The following TUFT1 variants were observed in gnomAD, a reference collection of about 807,000 sequenced individuals.
The protein encoded by TUFT1 is tuftelin.
A neutral mutation model predicts 57.8 loss-of-function variants in TUFT1; 43 were observed. That is an observed-to-expected ratio of 0.74 (90% confidence interval 0.58 to 0.96). The LOEUF is 0.96. Among genes scored for constraint, TUFT1 ranks in the 40% least tolerant of loss-of-function variants. TUFT1 has a pLI of 0.00. For missense variants in TUFT1, 459 were observed against 489.0 expected, an observed-to-expected ratio of 0.94 and a Z score of 0.58; for synonymous variants, 166 against 176.7, an observed-to-expected ratio of 0.94 and a Z score of 0.48.
chr1:151,580,661 CAA>C (rs10714430), intron 11 of TUFT1, among the ~76,000 whole-genome samples: 1,124 of 71,918 alleles, frequency 0.016, 5 homozygotes, highest in African/African-American at 0.056. Flanking sequence ...GACCCTATCT[CAA>C]AAAAAAAAAA....
At chr1:151,581,538 G>C (rs1666645823) in intron 12 of TUFT1, 106 bp from the exon 13 acceptor site, 1 of 1,093,496 alleles carries the variant, frequency 9.1e-7, no homozygotes, top group Non-Finnish European at 1.4e-6. Flanking sequence ...CAGCACTGCA[G>C]TGTAAGATTC....
intron 1 of TUFT1, among the ~76,000 whole-genome samples, chr1:151,548,164 G>T (rs1665398139): frequency 6.6e-6 from 1 of 152,200 alleles, no homozygotes; most frequent in Non-Finnish European, 1.5e-5. Context: ...CTCACTCAAG[G>T]AGAGGGTAGA....
At chr1:151,575,336 T>C (rs1380085930) in intron 9 of TUFT1, among the ~76,000 whole-genome samples, 6 of 152,214 alleles carry the variant, frequency 3.9e-5, no homozygotes, top group Admixed American at 3.9e-4. Flanking sequence ...AGTGGATATG[T>C]TATGCCTTCG....
chr1:151,579,704 A>G lies in TUFT1; in HGVS notation c.980A>G (p.Lys327Arg). ...QSKDATIQEL[K>R]EKIAYLEAEN... Reference sequence around the variant, plus strand: ...AAGGACGCCACCATCCAGGAGCTCAAGGAGAAAATCGCCTATCTGGAGGCA... The same window carrying G: ...AAGGACGCCACCATCCAGGAGCTCAGGGAGAAAATCGCCTATCTGGAGGCA... The change falls in exon 11 of 13, where the codon AAG (lysine) becomes AGG (arginine). Residue 327 changes from lysine to arginine, a missense_variant. Coordinates refer to ENST00000368849, the MANE Select transcript of TUFT1 (RefSeq NM_020127.3). 6.2e-7 allele frequency: 1 copy of G among 1,614,030 alleles called. No homozygotes were observed. The highest frequency in any genetic ancestry group is 1.7e-5 in the Admixed American group (1 of 60,004).
Position 151,579,846 on chromosome 1 carries a change from T to A in TUFT1, c.1008+114T>A, listed in dbSNP as rs888685988. 3.8e-6 allele frequency: 4 copies of A among 1,049,300 alleles called. No individual in the cohort carries two copies. In the Admixed American group the frequency reaches 6.9e-5, roughly 18 times the overall value. 65.0% of individuals were successfully genotyped at this position (1,049,300 alleles called of 1,614,324 possible). On this transcript the variant is annotated intron_variant, in intron 11 of 12. Transcript: ENST00000368849. The stretch of plus-strand genomic sequence containing the variant: ...GTCATGTCTTGCTGTTGCTCTGAAG[T>A]GAATACCTAGGGTGGTTGGTTGACT...
At chr1:151,576,690 T>C (rs1457046670) in intron 9 of TUFT1, among the ~76,000 whole-genome samples, 3 of 152,158 alleles carry the variant, frequency 2.0e-5, no homozygotes, top group Non-Finnish European at 4.4e-5. Flanking sequence ...TGGAGTGCAG[T>C]GGTGCAATCT....
At position 151,566,159 on chromosome 1, in the gene TUFT1, A is replaced by G; in HGVS notation, c.415-4A>G. On this transcript the variant is annotated splice_region_variant and splice_polypyrimidine_tract_variant and intron_variant, in intron 5 of 12. Coordinates refer to ENST00000368849, the MANE Select transcript of TUFT1 (RefSeq NM_020127.3). Reference sequence around the variant, plus strand: ...AACTACCAATTTTATTTTTCTTTGAACAGGTGGTGCTAGAAAAGCCAAATG... The same window carrying G: ...AACTACCAATTTTATTTTTCTTTGAGCAGGTGGTGCTAGAAAAGCCAAATG... 6.2e-7 allele frequency: 1 copy of G among 1,606,798 alleles called. No individual in the cohort carries two copies. Among genetic ancestry groups the G allele is most frequent in the Non-Finnish European group, 8.5e-7 (1 of 1,176,720 alleles).
At chr1:151,580,594 C>T (rs1022468628) in intron 11 of TUFT1, among the ~76,000 whole-genome samples, 12 of 144,182 alleles carry the variant, frequency 8.3e-5, no homozygotes, top group East Asian at 2.1e-4. Flanking sequence ...CCCAGGAGGT[C>T]GAGGCTGCAG....
rs192630602 is a variant in TUFT1 at position 151,543,801 on chromosome 1, C to A, written c.60+3375C>A. Among the ~76,000 whole-genome samples, 11 of 151,844 alleles carry A rather than the reference C, an allele frequency of 7.2e-5. No individual in the cohort carries two copies. The South Asian group carries it at 8.3e-4, about 11-fold the overall frequency. On this transcript the variant is annotated intron_variant, in intron 1 of 12. Coordinates refer to ENST00000368849, the MANE Select transcript of TUFT1 (RefSeq NM_020127.3). ...GGACAGGGTTCCTTGACTGATAGGC[C>A]CCCCCCAGATTACAGTGATGGAAGG...
chr1:151,574,449 G>T, intron 8 of TUFT1, 51 bp downstream of exon 8: 1 of 1,605,906 alleles, frequency 6.2e-7, no homozygotes, highest in Non-Finnish European at 8.5e-7. Context: ...GCTGGAAGGG[G>T]CCTGCAGGTG....
intron 1 of TUFT1, chr1:151,557,965 G>T: frequency 1.8e-6 from 1 of 546,502 alleles, no homozygotes; most frequent in Non-Finnish European, 3.4e-6. Flanking sequence ...ATTTTGCATT[G>T]AATAAACTTA....
chr1:151,544,112 A>G (rs1157002058), intron 1 of TUFT1, among the ~76,000 whole-genome samples: 1 of 151,620 alleles, frequency 6.6e-6, no homozygotes, highest in Non-Finnish European at 1.5e-5. Context: ...CCTCCCAAGT[A>G]GCTGGGACCA....
At position 151,579,671 on chromosome 1, in the gene TUFT1, T is replaced by C; in HGVS notation, c.947T>C (p.Ile316Thr). The C allele has an allele frequency of 6.2e-7, 1 of 1,613,968 alleles. No homozygotes were observed. Reference sequence around the variant, plus strand: ...CAGCTCCAGAATTCAAAAGCTGTGATCCAGTCAAAGGACGCCACCATCCAG... The same window carrying C: ...CAGCTCCAGAATTCAAAAGCTGTGACCCAGTCAAAGGACGCCACCATCCAG... Reference protein sequence around the residue: ...IEQLQNSKAVIQSKDATIQEL... With the variant: ...IEQLQNSKAVTQSKDATIQEL... The change falls in exon 11 of 13, where the codon ATC (isoleucine) becomes ACC (threonine). Residue 316 changes from isoleucine (I) to threonine (T), a missense_variant. Coordinates refer to ENST00000368849, the MANE Select transcript of TUFT1 (RefSeq NM_020127.3).
chr1:151,561,926 G>T, intron 1 of TUFT1, 165 bp from the exon 2 acceptor site: 1 of 1,511,770 alleles, frequency 6.6e-7, no homozygotes, highest in East Asian at 2.5e-5. Flanking sequence ...CCTGATCTTG[G>T]GCAAGGTAAT....
In TUFT1 at chr1:151,577,528, A is replaced by T. The variant is rs117982972; in HGVS notation, c.819-1193A>T. Among the ~76,000 whole-genome samples, 4 of 152,226 alleles carry T rather than the reference A, an allele frequency of 2.6e-5. No homozygotes were observed. The East Asian group carries it at 7.7e-4, about 29-fold the overall frequency. ...CTGTATGTCAGGAACCGGGACAGAG[A>T]CCCATTATATATTTCTTATTATTTT... On this transcript the variant is annotated intron_variant, in intron 9 of 12. Coordinates refer to ENST00000368849, the MANE Select transcript of TUFT1 (RefSeq NM_020127.3).
chr1:151,544,974 G>T (rs1293371186), intron 1 of TUFT1, among the ~76,000 whole-genome samples: 1 of 152,066 alleles, frequency 6.6e-6, no homozygotes, highest in Non-Finnish European at 1.5e-5. Context: ...ACAATTTTTG[G>T]TAATGTAATA....
chr1:151,575,740 G>C (rs1015623731), intron 9 of TUFT1, among the ~76,000 whole-genome samples: 2 of 152,240 alleles, frequency 1.3e-5, no homozygotes, highest in Admixed American at 1.3e-4. Context: ...GATCTTCATT[G>C]TGTAAGGTGG....
Position 151,562,654 on chromosome 1 carries a change from G to C in TUFT1, c.205G>C (p.Glu69Gln), listed in dbSNP as rs200715189. The change falls in exon 3 of 13, where the codon GAG becomes CAG. Residue 69 changes from glutamate to glutamine, a missense_variant. Physicochemically the swap from Glu to Gln is conservative, Grantham distance 29. Coordinates refer to ENST00000368849, the MANE Select transcript of TUFT1 (RefSeq NM_020127.3). ...TCATTCTCTGGCTTCAGAACTGGTG[G>C]AGTCCCATGATGGACATGAGGAGAT... ...AGHSLASELV[E>Q]SHDGHEEIIK... is the part of the protein sequence containing the mutation. 1.2e-6 allele frequency: 2 copies of C among 1,613,392 alleles called. No individual in the cohort carries two copies. Among genetic ancestry groups the C allele is most frequent in the Non-Finnish European group, 1.7e-6 (2 of 1,180,006 alleles).
At chr1:151,558,779 TC>T (rs1304042907) in intron 1 of TUFT1, among the ~76,000 whole-genome samples, 1 of 142,794 alleles carries the variant, frequency 7.0e-6, no homozygotes, top group Non-Finnish European at 1.6e-5. Context: ...GGAGATAGTG[TC>T]CTTTTTTTTT....
Sources: gnomAD v4.1 joint callset for allele counts (sites outside exome capture counted in the v4.1 genomes callset) on GRCh38, gnomAD v4.1.1 for gene constraint, MANE v1.5 for transcripts, NCBI Gene and HGNC (gene_info 2026-07-23, HGNC 2026-07-21) for gene names.